Variants in TENM3 observed in about 807,000 individuals in gnomAD.
TENM3 encodes the protein teneurin transmembrane protein 3, also known as teneurin-3.
Under a neutral mutation model 255.1 loss-of-function variants are expected in TENM3, and 63 were observed. That is an observed-to-expected ratio of 0.25 (90% CI 0.20 to 0.30). The LOEUF (loss-of-function observed/expected upper bound fraction) is 0.30. Among genes scored for constraint, TENM3 ranks in the 10% least tolerant of loss-of-function variants. The pLI is 1.00. For missense variants in TENM3, 2,929 were observed against 3,461.1 expected, an observed-to-expected ratio of 0.85 and a Z score of 3.86; for synonymous variants, 1,306 against 1,322.3, an observed-to-expected ratio of 0.99 and a Z score of 0.27.
chr4:182,464,672 G>C (rs1732419140), intron 3 of TENM3, among the ~76,000 whole-genome samples: 1 of 152,132 alleles, frequency 6.6e-6, no homozygotes. Flanking sequence ...TATTTTAAAG[G>C]TTATGAAGTT....
intron 1 of TENM3, among the ~76,000 whole-genome samples, chr4:182,162,471 G>A (rs535994997): frequency 2.6e-5 from 4 of 152,250 alleles, no homozygotes; most frequent in African/African-American, 9.6e-5. Flanking sequence ...TGTGCACTCG[G>A]AACTCAAGGA....
At chr4:181,669,015 C>A in the TENM3 span, among the ~76,000 whole-genome samples, 2 of 152,056 alleles carry the variant, frequency 1.3e-5, no homozygotes, top group Non-Finnish European at 2.9e-5. Context: ...GTGTTTGAAG[C>A]AAAATAACCT....
At chr4:181,913,736 G>T in the TENM3 span, among the ~76,000 whole-genome samples, 16 of 152,090 alleles carry the variant, frequency 1.1e-4, no homozygotes, top group Non-Finnish European at 1.9e-4. Context: ...TTAAAATGGA[G>T]AACAAAGAAC....
chr4:182,564,904 G>T (rs967319168), intron 3 of TENM3, among the ~76,000 whole-genome samples: 9 of 151,998 alleles, frequency 5.9e-5, no homozygotes, highest in Non-Finnish European at 2.9e-5. Flanking sequence ...TATGTCTGTT[G>T]TTTCTGAACA....
At chr4:182,711,412 T>C (rs929729411) in intron 12 of TENM3, among the ~76,000 whole-genome samples, 2 of 152,226 alleles carry the variant, frequency 1.3e-5, no homozygotes, top group African/African-American at 4.8e-5. Context: ...AAAATGTGAA[T>C]AGACTGGATT....
chr4:181,753,154 A>G, the TENM3 span, among the ~76,000 whole-genome samples: 1 of 152,362 alleles, frequency 6.6e-6, no homozygotes, highest in African/African-American at 2.4e-5. Flanking sequence ...ATACATGTGT[A>G]CAAATAGCAT....
At chr4:181,878,412 G>A in the TENM3 span, among the ~76,000 whole-genome samples, 4 of 151,972 alleles carry the variant, frequency 2.6e-5, no homozygotes, top group South Asian at 8.3e-4. Context: ...TCTGGTCTAT[G>A]GTCTAATCAA....
chr4:181,462,593 C>A, the TENM3 span, among the ~76,000 whole-genome samples: 6 of 152,266 alleles, frequency 3.9e-5, no homozygotes, highest in African/African-American at 1.4e-4. Flanking sequence ...TTTTTAAAGG[C>A]AGCATGATAT....
At chr4:181,506,487 C>T in the TENM3 span, among the ~76,000 whole-genome samples, 1 of 152,016 alleles carries the variant, frequency 6.6e-6, no homozygotes, top group Non-Finnish European at 1.5e-5. Flanking sequence ...AAAATATCAT[C>T]TAAAGAATGC....
chr4:182,081,583 C>CA, the TENM3 span, among the ~76,000 whole-genome samples: 29,178 of 87,594 alleles, frequency 0.33, 4,924 homozygotes, highest in Non-Finnish European at 0.38. Flanking sequence ...GGCTCTGCCT[C>CA]AAAAAAAAAA....
chr4:182,602,703 C>T (rs1363324655), intron 4 of TENM3, among the ~76,000 whole-genome samples: 1 of 152,146 alleles, frequency 6.6e-6, no homozygotes, highest in Non-Finnish European at 1.5e-5. Context: ...TCACTTAAGA[C>T]ACAGTCATGT....
At chr4:182,144,810 G>C (rs923707664) in intron 1 of TENM3, 1 of 150,798 alleles carries the variant, frequency 6.6e-6, no homozygotes, top group Non-Finnish European at 1.5e-5. Context: ...TCCTAGTGCC[G>C]GGCCGCGGCG....
chr4:181,652,225 CT>C, the TENM3 span, among the ~76,000 whole-genome samples: 4 of 150,586 alleles, frequency 2.7e-5, no homozygotes, highest in South Asian at 8.4e-4. Context: ...ATAATTCATT[CT>C]GATATTTCTT....
intron 1 of TENM3, among the ~76,000 whole-genome samples, chr4:182,285,442 G>A (rs1760673184): frequency 6.6e-6 from 1 of 152,160 alleles, no homozygotes; most frequent in African/African-American, 2.4e-5. Flanking sequence ...TGTGTCTGCT[G>A]ATACTGACTG....
At chr4:182,243,154 G>A (rs1261028697), upstream of TENM3, among the ~76,000 whole-genome samples, 4 of 152,262 alleles carry the variant, frequency 2.6e-5, no homozygotes, top group African/African-American at 9.6e-5. Context: ...CGCTCTTGTC[G>A]CTCAGGCTGG....
intron 2 of TENM3, among the ~76,000 whole-genome samples, chr4:182,324,824 C>T (rs765442057): frequency 8.5e-5 from 13 of 152,214 alleles, no homozygotes; most frequent in Non-Finnish European, 1.9e-4. Context: ...TACCTTAACA[C>T]TTCCTAGTTT....
At chr4:181,917,765 G>A in the TENM3 span, among the ~76,000 whole-genome samples, 1 of 149,920 alleles carries the variant, frequency 6.7e-6, no homozygotes, top group African/African-American at 2.5e-5. Flanking sequence ...AGGTTCAAGT[G>A]ATTCTCATGC....
intron 5 of TENM3, among the ~76,000 whole-genome samples, chr4:182,643,007 A>G (rs1475483334): frequency 6.6e-6 from 1 of 152,206 alleles, no homozygotes; most frequent in African/African-American, 2.4e-5. Flanking sequence ...AGGAAATCCA[A>G]AACAAAAGCT....
chr4:182,085,288 T>TA, the TENM3 span, among the ~76,000 whole-genome samples: 2 of 152,168 alleles, frequency 1.3e-5, no homozygotes, highest in Admixed American at 1.3e-4. Context: ...GATAGATTTT[T>TA]AAAAATTTTT....
Sources: gnomAD v4.1 joint callset for allele counts (sites outside exome capture counted in the v4.1 genomes callset) on GRCh38, gnomAD v4.1.1 for gene constraint, MANE v1.5 for transcripts, NCBI Gene and HGNC (gene_info 2026-07-23, HGNC 2026-07-21) for gene names.